DENND2B: variants seen among roughly 807,000 people sequenced by gnomAD.
The protein encoded by DENND2B is DENN domain containing 2B, also known as DENN domain-containing protein 2B.
In DENND2B, 32 loss-of-function variants were observed where a neutral mutation model predicts 116.0. The ratio of observed to expected loss-of-function variants is 0.28; its 90% CI spans 0.21 to 0.37. The LOEUF is 0.37. DENND2B is among the 10% of genes least tolerant of loss of function. The pLI, the probability that DENND2B is intolerant of heterozygous loss-of-function variation, is 1.00. For synonymous variants in DENND2B, 588 were observed against 583.9 expected (o/e 1.01, Z -0.10); for missense variants, 1,276 against 1,477.7 (o/e 0.86, Z 2.24).
Position 8,821,830 on chromosome 11 carries a change from C to G in DENND2B, c.-114-10495G>C, listed in dbSNP as rs538498627. On this transcript the variant is annotated intron_variant, in intron 4 of 6. Transcript: ENST00000524757. ...TTTTTGAAACAAGGTCTGGCTCTAT[C>G]GCCCAGGCTGGAGTGGAGTGGCAAG... Among the ~76,000 whole-genome samples, 6 of 152,264 alleles carry G rather than the reference C, an allele frequency of 3.9e-5. No homozygotes were observed. The East Asian group carries it at 1.2e-3, about 29-fold the overall frequency.
intron 2 of DENND2B, among the ~76,000 whole-genome samples, chr11:8,742,674 G>T (rs2050426158): frequency 6.6e-6 from 1 of 152,226 alleles, no homozygotes; most frequent in Admixed American, 6.5e-5. Context: ...CTGTTTCGTT[G>T]TTAAAATTTA....
intron 1 of DENND2B, among the ~76,000 whole-genome samples, chr11:8,801,676 C>CAAA (rs72118090): frequency 1.6e-5 from 2 of 123,876 alleles, no homozygotes; most frequent in Admixed American, 1.7e-4. Flanking sequence ...GACTTTGTCT[C>CAAA]AAAAAAAAAA....
intron 1 of DENND2B, among the ~76,000 whole-genome samples, chr11:8,795,148 G>A (rs4929912): frequency 0.37 from 55,547 of 152,102 alleles, 11,544 homozygotes; most frequent in Non-Finnish European, 0.45. Flanking sequence ...GTTTAAAGAC[G>A]AGCACATACC....
intron 4 of DENND2B, chr11:8,839,236 T>C (rs2062540638): frequency 6.6e-6 from 1 of 152,172 alleles, no homozygotes; most frequent in Admixed American, 6.5e-5. Flanking sequence ...ACAAGGATCT[T>C]TGCCGGGGGA....
intron 13 of DENND2B, among the ~76,000 whole-genome samples, chr11:8,706,160 G>C (rs887075349): frequency 6.6e-5 from 10 of 152,304 alleles, no homozygotes; most frequent in African/African-American, 2.4e-4. Context: ...CGGGAGGATC[G>C]CTTGAGCCCG....
At chr11:8,710,459 G>A (rs2043400283) in intron 11 of DENND2B, among the ~76,000 whole-genome samples, 1 of 152,038 alleles carries the variant, frequency 6.6e-6, no homozygotes, top group African/African-American at 2.4e-5. Flanking sequence ...CTAATCTGAT[G>A]CATATACACA....
upstream of DENND2B, among the ~76,000 whole-genome samples, chr11:8,872,798 T>C (rs143578027): frequency 3.5e-4 from 54 of 152,300 alleles, no homozygotes; most frequent in African/African-American, 1.2e-3. Context: ...TTGAGGCACA[T>C]TGAAAACACA....
Position 8,730,544 on chromosome 11 carries a change from A to C in DENND2B, c.746T>G (p.Val249Gly), listed in dbSNP as rs1825512312. ...ETEEEGEALPVRDSFYRLEKR... is the reference protein window; with the variant it reads ...ETEEEGEALPGRDSFYRLEKR... ...CTCCAGCCGGTAGAAAGAGTCCCGG[A>C]CAGGGAGCGCCTCTCCCTCCTCCTC... is the stretch of plus-strand genomic sequence containing the variant. Residue 249 changes from valine (V) to glycine (G), a missense_variant, in exon 3 of 20, where the codon GTC (valine) becomes GGC (glycine). Val to Gly is a moderately radical substitution (Grantham distance 109). Coordinates refer to ENST00000313726, the MANE Select transcript of DENND2B (RefSeq NM_213618.2). This position sits in a 1 kb window ranked among gnomAD's most constrained non-coding sequence, Gnocchi z 4.1. The C allele has an allele frequency of 1.9e-6, 3 of 1,613,070 alleles. No individual in the cohort carries two copies. The highest frequency in any genetic ancestry group is 3.3e-5 in the Admixed American group (2 of 60,012).
At chr11:8,828,965 T>G (rs2062087450) in intron 4 of DENND2B, among the ~76,000 whole-genome samples, 1 of 148,816 alleles carries the variant, frequency 6.7e-6, no homozygotes, top group Admixed American at 6.7e-5. Context: ...GGTGTGTGTG[T>G]GGGTGTGTGT....
At chr11:8,853,049 A>C (rs1338124999) in intron 3 of DENND2B, among the ~76,000 whole-genome samples, 1 of 152,168 alleles carries the variant, frequency 6.6e-6, no homozygotes, top group Non-Finnish European at 1.5e-5. Context: ...CTGTCCTCAT[A>C]AGCAAGATTG....
At chr11:8,727,901 T>G (rs1482436953) in intron 3 of DENND2B, among the ~76,000 whole-genome samples, 1 of 61,700 alleles carries the variant, frequency 1.6e-5, no homozygotes, top group Middle Eastern at 0.015. Context: ...TCTCCCCAGG[T>G]TTTTTTTTTT....
At chr11:8,765,127 G>A (rs1361350300) in intron 1 of DENND2B, among the ~76,000 whole-genome samples, 1 of 151,978 alleles carries the variant, frequency 6.6e-6, no homozygotes, top group African/African-American at 2.4e-5. Context: ...TAGGGAAAGG[G>A]GCTCACACAC....
intron 1 of DENND2B, among the ~76,000 whole-genome samples, chr11:8,792,015 G>C (rs922320759): frequency 6.6e-6 from 1 of 152,168 alleles, no homozygotes; most frequent in South Asian, 2.1e-4. Flanking sequence ...AGACCAGCCT[G>C]GCAAACATGG....
At chr11:8,804,087 C>G (rs1361310631) in intron 1 of DENND2B, among the ~76,000 whole-genome samples, 4 of 152,232 alleles carry the variant, frequency 2.6e-5, no homozygotes, top group Non-Finnish European at 5.9e-5. Context: ...GAGGAAAGAG[C>G]TGAACCTGTG....
intron 14 of DENND2B, among the ~76,000 whole-genome samples, chr11:8,700,945 C>G (rs532919760): frequency 2.6e-5 from 4 of 152,226 alleles, no homozygotes; most frequent in African/African-American, 9.6e-5. Flanking sequence ...CCTCAGCCTC[C>G]TGAGTAGCTG....
upstream of DENND2B, among the ~76,000 whole-genome samples, chr11:8,815,223 C>T (rs61876187): frequency 0.33 from 50,564 of 151,814 alleles, 10,224 homozygotes; most frequent in Non-Finnish European, 0.44. Flanking sequence ...TAAAAAAATA[C>T]ATTTTTACTA....
chr11:8,803,969 A>G (rs990490088), intron 1 of DENND2B, among the ~76,000 whole-genome samples: 8 of 152,208 alleles, frequency 5.3e-5, no homozygotes, highest in African/African-American at 1.9e-4. Flanking sequence ...CACACTGAGA[A>G]AGACCTCAGG....
intron 4 of DENND2B, among the ~76,000 whole-genome samples, chr11:8,824,787 C>A (rs752925053): frequency 3.0e-4 from 46 of 151,362 alleles, no homozygotes; most frequent in South Asian, 6.3e-4. Context: ...CTCTCAGATT[C>A]AAGCAATTCT....
intron 4 of DENND2B, among the ~76,000 whole-genome samples, chr11:8,823,507 CATGGGAAGGATCCA>C (rs1183438223): frequency 6.6e-6 from 1 of 152,206 alleles, no homozygotes; most frequent in East Asian, 1.9e-4. Context: ...CCCCAGGTGT[CATGGGAAGGATCCA>C]ATGGGAAGTG....
Sources: allele counts gnomAD v4.1 joint callset (sites outside exome capture counted in the v4.1 genomes callset), GRCh38; gene constraint gnomAD v4.1.1; non-coding constraint Gnocchi (gnomAD v3.1); transcripts MANE v1.5; gene names NCBI Gene and HGNC (gene_info 2026-07-23, HGNC 2026-07-21).